Variants in GABRG1 observed in about 807,000 individuals in gnomAD.
GABRG1 encodes gamma-aminobutyric acid receptor subunit gamma-1.
A neutral mutation model predicts 49.8 loss-of-function variants in GABRG1; 49 were observed. That is an observed-to-expected ratio of 0.98 (90% CI 0.78 to 1.25). GABRG1 has a LOEUF of 1.25. Ranked by LOEUF, GABRG1 falls within the 50% of genes most tolerant of loss-of-function variation. GABRG1 has a pLI of 0.00. For synonymous variants in GABRG1, 232 were observed against 185.1 expected (o/e 1.25, Z -2.06); for missense variants, 552 against 552.3 (o/e 1.00, Z 0.01).
chr4:46,075,480 G>A (rs1467518913), intron 3 of GABRG1, among the ~76,000 whole-genome samples: 1 of 152,018 alleles, frequency 6.6e-6, no homozygotes, highest in African/African-American at 2.4e-5. Context: ...ACAGGCGTGA[G>A]CCACTGTGCC....
chr4:46,083,908 C>T (rs1490296792), intron 3 of GABRG1, 78 bp downstream of exon 3: 19 of 781,396 alleles, frequency 2.4e-5, no homozygotes, highest in Non-Finnish European at 3.7e-5. Context: ...TAAAAAATTA[C>T]TCACATGCGA....
At chr4:46,112,945 A>C (rs182123709) in intron 1 of GABRG1, among the ~76,000 whole-genome samples, 2 of 151,176 alleles carry the variant, frequency 1.3e-5, no homozygotes, top group East Asian at 3.9e-4. Context: ...AGTTGAAAAA[A>C]AAATAGCTAC....
At chr4:46,113,142 G>T (rs1391168) in intron 1 of GABRG1, among the ~76,000 whole-genome samples, 1 of 150,716 alleles carries the variant, frequency 6.6e-6, no homozygotes, top group Admixed American at 6.7e-5. Flanking sequence ...CTCCTTGCCC[G>T]GCTTATTTGT....
At position 46,123,401 on chromosome 4, in the gene GABRG1, A is replaced by G. The variant is rs1356630347; in HGVS notation, c.104+409T>C. Among the ~76,000 whole-genome samples, 4 of 152,126 alleles carry G rather than the reference A, an allele frequency of 2.6e-5. No individual in the cohort carries two copies. In the East Asian group the frequency reaches 7.7e-4, roughly 29 times the overall value. ...AGCAGTAGGTAGAAAAACATCATAC[A>G]TATCATGCTGTGTAACAACAAGTTT... On this transcript the variant is annotated intron_variant, in intron 1 of 8. Transcript: ENST00000295452.
intron 2 of GABRG1, among the ~76,000 whole-genome samples, chr4:46,090,384 A>G (rs1719935521): frequency 6.6e-6 from 1 of 152,084 alleles, no homozygotes; most frequent in Non-Finnish European, 1.5e-5. Context: ...AAATACCTAC[A>G]CATGGACTAA....
rs972368852 is a variant in GABRG1 at position 46,084,031 on chromosome 4, A to C, written c.276T>G (p.Thr92=). The change falls in exon 3 of 9, where the codon ACT becomes ACG. Residue 92 remains threonine, a synonymous_variant. Coordinates refer to ENST00000295452, the MANE Select transcript of GABRG1 (RefSeq NM_173536.4). ...GTCCAATGCTGTTTACATAAACATCAGTTTCAATTACTGTGGGCCTCACTG... is the reference window on the plus strand; with the variant it reads ...GTCCAATGCTGTTTACATAAACATCCGTTTCAATTACTGTGGGCCTCACTG... ...DIGVRPTVIE[T]DVYVNSIGPV... is the part of the protein sequence containing the mutation. The C allele has an allele frequency of 1.3e-6, 2 of 1,586,014 alleles. No homozygotes were observed. Among genetic ancestry groups the C allele is most frequent in the African/African-American group, 2.7e-5 (2 of 73,940 alleles).
chr4:46,116,862 A>G (rs1314744453), intron 1 of GABRG1, among the ~76,000 whole-genome samples: 1 of 150,780 alleles, frequency 6.6e-6, no homozygotes, highest in Admixed American at 6.6e-5. Context: ...CTTAAGTTCA[A>G]TCCAGCCAAC....
intron 1 of GABRG1, among the ~76,000 whole-genome samples, chr4:46,119,740 A>G (rs1252197743): frequency 6.6e-6 from 1 of 151,470 alleles, no homozygotes; most frequent in South Asian, 2.1e-4. Context: ...CTAGAGGTGT[A>G]TTTTTAATTT....
At chr4:46,101,069 C>T (rs2109433685) in intron 1 of GABRG1, among the ~76,000 whole-genome samples, 1 of 151,340 alleles carries the variant, frequency 6.6e-6, no homozygotes, top group Middle Eastern at 3.4e-3. Flanking sequence ...TTTTTGGAAG[C>T]TGGGAGATTT....
chr4:46,113,364 C>T (rs1720781257), intron 1 of GABRG1, among the ~76,000 whole-genome samples: 1 of 150,920 alleles, frequency 6.6e-6, no homozygotes, highest in Non-Finnish European at 1.5e-5. Context: ...GGAAGAGCCC[C>T]TTATAAAACC....
At chr4:46,058,724 T>C (rs1357243071) in intron 5 of GABRG1, 102 bp from the exon 6 acceptor site, 7 of 797,964 alleles carry the variant, frequency 8.8e-6, no homozygotes, top group Non-Finnish European at 1.2e-5. Context: ...CCTCTTTTTT[T>C]ATTACAAGAT....
intron 3 of GABRG1, among the ~76,000 whole-genome samples, chr4:46,083,095 T>C (rs1306340825): frequency 1.3e-5 from 2 of 151,744 alleles, no homozygotes; most frequent in Non-Finnish European, 3.0e-5. Flanking sequence ...TGCACTGTAT[T>C]CCTACATCTG....
At chr4:46,119,457 C>A (rs1721031335) in intron 1 of GABRG1, among the ~76,000 whole-genome samples, 1 of 151,448 alleles carries the variant, frequency 6.6e-6, no homozygotes, top group South Asian at 2.1e-4. Flanking sequence ...TTAATAAGTT[C>A]ACAAAAATGT....
chr4:46,111,983 G>T (rs1720731927), intron 1 of GABRG1, among the ~76,000 whole-genome samples: 1 of 151,194 alleles, frequency 6.6e-6, no homozygotes, highest in South Asian at 2.1e-4. Context: ...AAACAAAAAT[G>T]GACATGTGAG....
At chr4:46,065,263 T>G (rs1165258579) in intron 4 of GABRG1, 101 bp downstream of exon 4, 1 of 700,478 alleles carries the variant, frequency 1.4e-6, no homozygotes, top group East Asian at 2.8e-5. Flanking sequence ...GAGCTCCACA[T>G]TTTTGGTTTT....
chr4:46,073,501 G>A lies in GABRG1; in HGVS notation c.322-7917C>T, dbSNP rs114491857. On this transcript the variant is annotated intron_variant, in intron 3 of 8. Coordinates refer to ENST00000295452, the MANE Select transcript of GABRG1 (RefSeq NM_173536.4). ...TTCATACTTACCTTTCTTTTATCTT[G>A]TTTTTTACTTTCATGGCATTTGTAT... 9.1e-3 allele frequency among the ~76,000 whole-genome samples: 1,384 copies of A among 152,054 alleles called. 4 individuals carry two copies. The highest frequency in any genetic ancestry group is 0.014 in the Non-Finnish European group (978 of 67,932).
At chr4:46,104,238 T>C (rs16859086) in intron 1 of GABRG1, among the ~76,000 whole-genome samples, 12,185 of 151,428 alleles carry the variant, frequency 0.08, 936 homozygotes, top group African/African-American at 0.2. Flanking sequence ...AAAACATACA[T>C]AGAGATTGTA....
intron 8 of GABRG1, among the ~76,000 whole-genome samples, chr4:46,050,937 A>G (rs1718192537): frequency 6.6e-6 from 1 of 151,908 alleles, no homozygotes; most frequent in South Asian, 2.1e-4. Flanking sequence ...TTAATATATT[A>G]GACTTGATGT....
intron 2 of GABRG1, among the ~76,000 whole-genome samples, chr4:46,096,454 C>T (rs1300254633): frequency 6.8e-6 from 1 of 147,202 alleles, no homozygotes. Flanking sequence ...AATTCACTGC[C>T]CATATAGATA....
Sources: allele counts gnomAD v4.1 joint callset (sites outside exome capture counted in the v4.1 genomes callset), GRCh38; gene constraint gnomAD v4.1.1; transcripts MANE v1.5; gene names NCBI Gene and HGNC (gene_info 2026-07-23, HGNC 2026-07-21).